Variants in MDGA2 observed in about 807,000 individuals in gnomAD.
The protein encoded by MDGA2 is MAM domain-containing glycosylphosphatidylinositol anchor protein 2.
In MDGA2, 40 loss-of-function variants were observed where a neutral mutation model predicts 117.8. The observed-to-expected ratio is 0.34, with a 90% CI of 0.26 to 0.44. The LOEUF (loss-of-function observed/expected upper bound fraction) is 0.44, where lower values mean the gene tolerates loss of function less well. Ranked by LOEUF, MDGA2 falls within the 20% of genes least tolerant of loss-of-function variation. The pLI is 1.00. For missense variants in MDGA2, 1,123 were observed against 1,250.6 expected (o/e 0.90, Z 1.54); for synonymous variants, 452 against 439.0 (o/e 1.03, Z -0.37).
At chr14:47,413,462 C>A (rs577547496) in intron 1 of MDGA2, among the ~76,000 whole-genome samples, 1 of 152,202 alleles carries the variant, frequency 6.6e-6, no homozygotes, top group South Asian at 2.1e-4. Context: ...AAAAAAGTAA[C>A]TAAAGGCATT....
chr14:47,612,199 G>GATAGACAA (rs1430958300), intron 1 of MDGA2, among the ~76,000 whole-genome samples: 6 of 147,476 alleles, frequency 4.1e-5, no homozygotes, highest in African/African-American at 1.5e-4. Flanking sequence ...GTGATAGATA[G>GATAGACAA]ATAGATAGAC....
intron 8 of MDGA2, among the ~76,000 whole-genome samples, chr14:46,959,405 A>G (rs1250152159): frequency 1.3e-5 from 2 of 151,726 alleles, no homozygotes; most frequent in East Asian, 1.9e-4. Context: ...TTAATCTTAT[A>G]CTTTTAATAT....
At chr14:47,466,391 T>A (rs1893604357) in intron 1 of MDGA2, among the ~76,000 whole-genome samples, 1 of 152,082 alleles carries the variant, frequency 6.6e-6, no homozygotes, top group South Asian at 2.1e-4. Context: ...GGGATTTACA[T>A]CCTTATTTGG....
intron 14 of MDGA2, chr14:46,870,837 A>G (rs1243759993): frequency 1.3e-5 from 2 of 152,074 alleles, no homozygotes; most frequent in African/African-American, 2.4e-5. Flanking sequence ...TGATGTATTA[A>G]AAGTATTTTT....
chr14:47,461,066 A>G lies in MDGA2; in HGVS notation c.281-159516T>C, dbSNP rs148762974. 3.7e-4 allele frequency among the ~76,000 whole-genome samples: 57 copies of G among 152,276 alleles called. No individual in the cohort carries two copies. The East Asian group carries it at 0.011, about 28-fold the overall frequency. On this transcript the variant is annotated intron_variant, in intron 1 of 16. Coordinates refer to ENST00000399232, the MANE Select transcript of MDGA2 (RefSeq NM_001113498.3). The stretch of plus-strand genomic sequence containing the variant: ...AATCCGAGGGAATAAATTTTGTACA[A>G]GTGTAAAACTGCTTATTAGTAACAA...
At chr14:47,059,885 T>C (rs1389597127) in intron 7 of MDGA2, among the ~76,000 whole-genome samples, 2 of 152,052 alleles carry the variant, frequency 1.3e-5, no homozygotes, top group African/African-American at 4.8e-5. Context: ...TCTTACTCTC[T>C]TACAGGAAAT....
chr14:47,407,200 T>C (rs1401546898), intron 1 of MDGA2, among the ~76,000 whole-genome samples: 1 of 152,140 alleles, frequency 6.6e-6, no homozygotes, highest in African/African-American at 2.4e-5. Flanking sequence ...AAGATTCTGG[T>C]GTATTTTGTT....
At chr14:46,880,826 A>G (rs916995316) in intron 11 of MDGA2, among the ~76,000 whole-genome samples, 138 of 122,186 alleles carry the variant, frequency 1.1e-3, no homozygotes, top group Non-Finnish European at 2.0e-3. Context: ...AAAAAAAAAA[A>G]GAAAGAATAA....
intron 5 of MDGA2, among the ~76,000 whole-genome samples, chr14:47,114,531 G>T (rs932054573): frequency 6.6e-6 from 1 of 151,974 alleles, no homozygotes; most frequent in Admixed American, 6.6e-5. Context: ...ATACTACAAG[G>T]TTACAGTAAC....
intron 1 of MDGA2, among the ~76,000 whole-genome samples, chr14:47,500,649 G>C (rs1894380538): frequency 1.3e-5 from 2 of 151,940 alleles, no homozygotes; most frequent in Non-Finnish European, 2.9e-5. Context: ...AATGGGTCCA[G>C]AATGCAACAA....
intron 1 of MDGA2, among the ~76,000 whole-genome samples, chr14:47,475,451 T>C (rs1481552343): frequency 6.6e-6 from 1 of 152,178 alleles, no homozygotes; most frequent in Non-Finnish European, 1.5e-5. Context: ...AGAAATATCA[T>C]TTGACCCAGC....
chr14:47,061,671 G>T, intron 6 of MDGA2, 93 bp from the exon 7 acceptor site: 1 of 1,058,454 alleles, frequency 9.4e-7, no homozygotes. Flanking sequence ...CTGAAATAAA[G>T]TAAAACCAAA....
chr14:47,250,317 G>A (rs77994437), intron 2 of MDGA2, among the ~76,000 whole-genome samples: 5,286 of 152,234 alleles, frequency 0.035, 202 homozygotes, highest in East Asian at 0.18. Flanking sequence ...CAAGACTGCC[G>A]TTGGTGAATT....
At chr14:47,068,408 G>GAA (rs34161987) in intron 6 of MDGA2, among the ~76,000 whole-genome samples, 7 of 133,848 alleles carry the variant, frequency 5.2e-5, no homozygotes, top group Middle Eastern at 3.6e-3. Context: ...TTTTAAGTAA[G>GAA]AAAAAAAAAA....
At chr14:46,958,234 G>A (rs187170741) in intron 8 of MDGA2, among the ~76,000 whole-genome samples, 1 of 152,276 alleles carries the variant, frequency 6.6e-6, no homozygotes, top group African/African-American at 2.4e-5. Flanking sequence ...AGGTGAGTAA[G>A]CAGTAAGAGA....
intron 8 of MDGA2, among the ~76,000 whole-genome samples, chr14:46,970,967 C>A (rs765306824): frequency 1.3e-5 from 2 of 151,880 alleles, no homozygotes; most frequent in East Asian, 1.9e-4. Context: ...TAGGAAAATG[C>A]AAATCAAAAC....
Position 47,301,532 on chromosome 14 carries a change from A to G in MDGA2, c.299T>C (p.Ile100Thr). ...QGVYAPPTVR[I>T]VHSGLACNIE... is the part of the protein sequence containing the mutation. ...GTTACAGGCCAAGCCTGAGTGCACA[A>G]TACGAACCGTGGGAGGAGCTGTCGA... The change falls in exon 2 of 17, where the codon ATT becomes ACT. Residue 100 changes from isoleucine (I) to threonine (T), a missense_variant. Ile to Thr is a moderately conservative substitution (Grantham distance 89). Coordinates refer to ENST00000399232, the MANE Select transcript of MDGA2 (RefSeq NM_001113498.3). 1 of 1,551,612 alleles carries G rather than the reference A, an allele frequency of 6.4e-7. No individual in the cohort carries two copies.
At position 47,177,479 on chromosome 14, in the gene MDGA2, T is replaced by G. The variant is rs1884516006; in HGVS notation, c.596-33205A>C. Among the ~76,000 whole-genome samples, 4 of 152,126 alleles carry G rather than the reference T, an allele frequency of 2.6e-5. No homozygotes were observed. In the South Asian group the frequency reaches 8.3e-4, roughly 32 times the overall value. On this transcript the variant is annotated intron_variant, in intron 3 of 16. Coordinates refer to ENST00000399232, the MANE Select transcript of MDGA2 (RefSeq NM_001113498.3). ...TGGAATACTATGCAGCCATAAAAAATGATGAGTTCATGTCCTTTGTAGGGA... is the reference window on the plus strand; with the variant it reads ...TGGAATACTATGCAGCCATAAAAAAGGATGAGTTCATGTCCTTTGTAGGGA...
At chr14:47,601,824 T>C (rs576451564) in intron 1 of MDGA2, among the ~76,000 whole-genome samples, 8 of 152,304 alleles carry the variant, frequency 5.3e-5, no homozygotes, top group Non-Finnish European at 1.0e-4. Flanking sequence ...TGTGTATGTA[T>C]GGGCCTATGC....
Sources: gnomAD v4.1 joint callset for allele counts (sites outside exome capture counted in the v4.1 genomes callset) on GRCh38, gnomAD v4.1.1 for gene constraint, MANE v1.5 for transcripts, NCBI Gene and HGNC (gene_info 2026-07-23, HGNC 2026-07-21) for gene names.